VPS13A: variants seen among roughly 807,000 people sequenced by gnomAD.
VPS13A encodes vacuolar protein sorting 13 homolog A.
In VPS13A, 264 loss-of-function variants were observed where a neutral mutation model predicts 390.9. The observed-to-expected ratio is 0.68, with a 90% CI of 0.61 to 0.75. The LOEUF (loss-of-function observed/expected upper bound fraction) is 0.75, where lower values mean the gene tolerates loss of function less well. Among genes scored for constraint, VPS13A ranks in the 30% least tolerant of loss-of-function variants. The pLI, the probability that VPS13A is intolerant of heterozygous loss-of-function variation, is 0.00. For missense variants in VPS13A, 3,409 were observed against 3,733.9 expected (o/e 0.91, Z 2.27); for synonymous variants, 1,231 against 1,227.1 (o/e 1.00, Z -0.07).
At chr9:77,340,870 A>G (rs1230175803) in intron 50 of VPS13A, among the ~76,000 whole-genome samples, 1 of 152,154 alleles carries the variant, frequency 6.6e-6, no homozygotes, top group Non-Finnish European at 1.5e-5. Flanking sequence ...TATTCTCTCT[A>G]GGAAGCTATT....
At position 77,409,670 on chromosome 9, in the gene VPS13A, G is replaced by A. The variant is rs577888027; in HGVS notation, c.9474+2063G>A. On this transcript the variant is annotated intron_variant, in intron 71 of 71. Coordinates refer to ENST00000360280, the MANE Select transcript of VPS13A (RefSeq NM_033305.3). ...GACGAATGCACAAGCCTCAGTAACT[G>A]ATGCGATCAACTGGAAGAAAGGGTA... is the stretch of plus-strand genomic sequence containing the variant. Among the ~76,000 whole-genome samples the A allele has an allele frequency of 1.3e-3, 193 of 151,352 alleles. 10 individuals are homozygous for A. Among genetic ancestry groups the A allele is most frequent in the African/African-American group, 4.6e-3 (187 of 41,044 alleles).
intron 1 of VPS13A, among the ~76,000 whole-genome samples, chr9:77,191,877 C>T (rs1294274805): frequency 6.6e-6 from 1 of 152,080 alleles, no homozygotes; most frequent in East Asian, 1.9e-4. Flanking sequence ...GTGAGGTGTT[C>T]TGTAGAACTC....
intron 53 of VPS13A, 28 bp from the exon 54 acceptor site, chr9:77,353,381 T>TG: frequency 1.9e-6 from 3 of 1,550,220 alleles, no homozygotes; most frequent in African/African-American, 1.4e-5. Flanking sequence ...TTTTTGGTTT[T>TG]TTTTTTTTTT....
intron 27 of VPS13A, among the ~76,000 whole-genome samples, chr9:77,281,664 A>T (rs149388752): frequency 6.6e-6 from 1 of 151,990 alleles, no homozygotes; most frequent in African/African-American, 2.4e-5. Flanking sequence ...TGTGCCAGAG[A>T]GTCCAATACT....
intron 47 of VPS13A, 173 bp downstream of exon 47, chr9:77,337,710 C>A: frequency 1.6e-6 from 1 of 634,988 alleles, no homozygotes; most frequent in Non-Finnish European, 2.6e-6. Context: ...ATTGAAATAA[C>A]ATTTAAGAAC....
chr9:77,370,358 AT>A, intron 64 of VPS13A, 26 bp downstream of exon 64: 1 of 1,614,166 alleles, frequency 6.2e-7, no homozygotes, highest in Non-Finnish European at 8.5e-7. Flanking sequence ...TCTACCAAGT[AT>A]TTTTGTGCTA....
intron 34 of VPS13A, among the ~76,000 whole-genome samples, chr9:77,306,401 AGTGTGTGTGTGTTT>A (rs1292172344): frequency 3.7e-5 from 4 of 107,694 alleles, no homozygotes; most frequent in African/African-American, 1.1e-4. Flanking sequence ...AGAGAGAGAG[AGTGTGTGTGTGTTT>A]GTGTGTGTGT....
intron 22 of VPS13A, 140 bp from the exon 23 acceptor site, chr9:77,259,946 G>A (rs1399936053): frequency 1.5e-6 from 1 of 653,424 alleles, no homozygotes; most frequent in African/African-American, 1.8e-5. Flanking sequence ...GGTTAATACG[G>A]TAAGACGGAA....
chr9:77,240,861 T>C (rs1824447964), intron 19 of VPS13A, among the ~76,000 whole-genome samples: 1 of 152,210 alleles, frequency 6.6e-6, no homozygotes, highest in African/African-American at 2.4e-5. Flanking sequence ...GCATTCTGTC[T>C]TTAGGTTTTC....
At chr9:77,219,912 G>A in intron 10 of VPS13A, 42 bp from the exon 11 acceptor site, 2 of 1,603,706 alleles carry the variant, frequency 1.2e-6, no homozygotes, top group African/African-American at 1.3e-5. Context: ...TGAGACTTTG[G>A]AAATATAACT....
At chr9:77,247,934 C>T (rs1824917962) in intron 20 of VPS13A, among the ~76,000 whole-genome samples, 1 of 152,184 alleles carries the variant, frequency 6.6e-6, no homozygotes, top group Non-Finnish European at 1.5e-5. Flanking sequence ...GCTGGGATTA[C>T]TGGCGTGAGC....
chr9:77,200,654 T>C (rs1825278497), intron 2 of VPS13A, among the ~76,000 whole-genome samples: 2 of 152,158 alleles, frequency 1.3e-5, no homozygotes, highest in Admixed American at 1.3e-4. Flanking sequence ...GCTCCTAGGC[T>C]CAAGCTGTCT....
At position 77,250,112 on chromosome 9, in the gene VPS13A, C is replaced by T. The variant is rs773985427; in HGVS notation, c.2053C>T (p.Arg685Cys). Residue 685 changes from arginine (R) to cysteine (C), a missense_variant, in exon 21 of 72, where the codon CGT becomes TGT. By Grantham distance (180) the Arg-to-Cys change is radical. Transcript: ENST00000360280. Reference protein sequence around the residue: ...LGHLKVTSKSRSELPDVKQGE... With the variant: ...LGHLKVTSKSCSELPDVKQGE... Reference sequence around the variant, plus strand: ...TAACTTGAAGGTGACGAGTAAAAGTCGTTCTGAATTACCAGATGTGAAACA... The same window carrying T: ...TAACTTGAAGGTGACGAGTAAAAGTTGTTCTGAATTACCAGATGTGAAACA... The T allele has an allele frequency of 1.7e-5, 28 of 1,613,606 alleles. No homozygotes were observed. Among genetic ancestry groups the T allele is most frequent in the East Asian group, 1.3e-4 (6 of 44,806 alleles).
At chr9:77,219,512 A>G (rs758731234) in intron 10 of VPS13A, among the ~76,000 whole-genome samples, 7 of 152,166 alleles carry the variant, frequency 4.6e-5, no homozygotes, top group South Asian at 2.1e-4. Context: ...CCTTTTACCA[A>G]TTAAAAGGAA....
At chr9:77,247,938 C>T (rs1187466016) in intron 20 of VPS13A, among the ~76,000 whole-genome samples, 3 of 152,116 alleles carry the variant, frequency 2.0e-5, no homozygotes, top group Non-Finnish European at 2.9e-5. Flanking sequence ...GGATTACTGG[C>T]GTGAGCCACC....
At chr9:77,280,782 G>A (rs12156450) in intron 27 of VPS13A, among the ~76,000 whole-genome samples, 26,161 of 152,030 alleles carry the variant, frequency 0.17, 2,920 homozygotes, top group East Asian at 0.37. Flanking sequence ...AATGCAGAAA[G>A]CATTTAATCA....
intron 45 of VPS13A, 23 bp downstream of exon 45, chr9:77,323,250 G>A (rs1428902742): frequency 1.2e-6 from 2 of 1,611,772 alleles, no homozygotes; most frequent in East Asian, 4.5e-5. Flanking sequence ...CAATTTTGGG[G>A]GATGTCCTGT....
chr9:77,406,044 T>A, intron 70 of VPS13A, 57 bp downstream of exon 70: 1 of 1,601,560 alleles, frequency 6.2e-7, no homozygotes, highest in Non-Finnish European at 8.5e-7. Context: ...TGCTTTGAAG[T>A]AGTCCTTTTT....
rs1829836099 is a variant in VPS13A at position 77,323,129 on chromosome 9, A to G, written c.5893A>G (p.Thr1965Ala). The G allele has an allele frequency of 6.2e-7, 1 of 1,613,334 alleles. No individual in the cohort carries two copies. Reference sequence around the variant, plus strand: ...AACAAAAGTGGGACGACGTCTGTACACTGTAAGACACAGAGAGTCTGGCGT... The same window carrying G: ...AACAAAAGTGGGACGACGTCTGTACGCTGTAAGACACAGAGAGTCTGGCGT... Reference protein sequence around the residue: ...PLTKVGRRLYTVRHRESGVER... With the variant: ...PLTKVGRRLYAVRHRESGVER... Residue 1965 changes from threonine to alanine, a missense_variant, in exon 45 of 72, where the codon ACT becomes GCT. By Grantham distance (58) the Thr-to-Ala change is moderately conservative (BLOSUM62 0). This residue lies in a region of VPS13A where 2,717 missense variants were observed against 2,917.4 expected (regional missense o/e 0.93). Coordinates refer to ENST00000360280, the MANE Select transcript of VPS13A (RefSeq NM_033305.3).
Sources: allele counts gnomAD v4.1 joint callset (sites outside exome capture counted in the v4.1 genomes callset), GRCh38; gene constraint gnomAD v4.1.1; regional missense constraint gnomAD v4.1.1; transcripts MANE v1.5; gene names NCBI Gene and HGNC (gene_info 2026-07-23, HGNC 2026-07-21).